Variants in ERBB4 observed in about 807,000 individuals in gnomAD.
The protein encoded by ERBB4 is erb-b2 receptor tyrosine kinase 4.
In ERBB4, 42 loss-of-function variants were observed where a neutral mutation model predicts 158.0. The ratio of observed to expected loss-of-function variants is 0.27; its 90% confidence interval spans 0.21 to 0.34. The LOEUF is 0.34. Among genes scored for constraint, ERBB4 ranks in the 10% least tolerant of loss-of-function variants. The pLI is 1.00. For synonymous variants in ERBB4, 583 were observed against 558.7 expected, an observed-to-expected ratio of 1.04 and a Z score of -0.61; for missense variants, 1,333 against 1,624.1, an observed-to-expected ratio of 0.82 and a Z score of 3.08.
At chr2:212,477,562 C>T (rs1007480176) in intron 1 of ERBB4, among the ~76,000 whole-genome samples, 3 of 152,136 alleles carry the variant, frequency 2.0e-5, no homozygotes, top group African/African-American at 7.2e-5. Context: ...TCCTATAATT[C>T]AAATCTGTAT....
chr2:212,518,609 T>C (rs1439137461), intron 1 of ERBB4, among the ~76,000 whole-genome samples: 2 of 151,992 alleles, frequency 1.3e-5, no homozygotes, highest in East Asian at 1.9e-4. Context: ...CACAAGCCCC[T>C]ATTAGAAAAA....
At chr2:211,657,167 T>A (rs2071246219) in intron 16 of ERBB4, among the ~76,000 whole-genome samples, 1 of 152,022 alleles carries the variant, frequency 6.6e-6, no homozygotes, top group African/African-American at 2.4e-5. Context: ...AAAAATATTC[T>A]ATTAAAGGTA....
At chr2:211,595,027 G>T (rs1206636581) in intron 19 of ERBB4, among the ~76,000 whole-genome samples, 1 of 152,034 alleles carries the variant, frequency 6.6e-6, no homozygotes, top group Non-Finnish European at 1.5e-5. Flanking sequence ...ATGTCTTTTT[G>T]TCTTTACATA....
At chr2:211,730,133 G>A (rs2074383641) in intron 5 of ERBB4, among the ~76,000 whole-genome samples, 1 of 151,982 alleles carries the variant, frequency 6.6e-6, no homozygotes, top group South Asian at 2.1e-4. Flanking sequence ...AATCTTATCA[G>A]TATCTCACTA....
intron 18 of ERBB4, among the ~76,000 whole-genome samples, chr2:211,620,247 T>C (rs930569855): frequency 2.6e-5 from 4 of 152,186 alleles, no homozygotes; most frequent in Non-Finnish European, 5.9e-5. Flanking sequence ...TTTAGCTTCT[T>C]AGCCCTGACA....
chr2:212,271,034 T>G (rs1455497847), intron 1 of ERBB4, among the ~76,000 whole-genome samples: 3 of 151,860 alleles, frequency 2.0e-5, no homozygotes, highest in Non-Finnish European at 4.4e-5. Flanking sequence ...TGCACTGCTA[T>G]GTAGTAATTG....
chr2:211,722,248 T>C (rs2074123855), intron 7 of ERBB4, 145 bp downstream of exon 7: 1 of 672,398 alleles, frequency 1.5e-6, no homozygotes, highest in Non-Finnish European at 2.6e-6. Context: ...TTAGTTTCTT[T>C]ATTTATAAAA....
At chr2:212,503,069 T>C (rs1343417810) in intron 1 of ERBB4, among the ~76,000 whole-genome samples, 1 of 152,188 alleles carries the variant, frequency 6.6e-6, no homozygotes, top group Non-Finnish European at 1.5e-5. Context: ...TTTCCCCCAT[T>C]TGGCCTCAGA....
intron 2 of ERBB4, among the ~76,000 whole-genome samples, chr2:211,985,232 A>G (rs2081907755): frequency 6.6e-6 from 1 of 152,176 alleles, no homozygotes; most frequent in South Asian, 2.1e-4. Context: ...AATGATATTG[A>G]TAGTTTTCTG....
At position 212,185,815 on chromosome 2, in the gene ERBB4, T is replaced by A. The variant is rs902010285; in HGVS notation, c.83-60912A>T. Among the ~76,000 whole-genome samples the A allele has an allele frequency of 4.6e-5, 7 of 152,224 alleles. No homozygotes were observed. The East Asian group carries it at 1.2e-3, about 25-fold the overall frequency. On this transcript the variant is annotated intron_variant, in intron 1 of 27. Transcript: ENST00000342788. ...AGGGGAAGAAAGTTTAATTTACAAA[T>A]TACAAGCATACTTTGGAAAAGTTTC...
intron 5 of ERBB4, among the ~76,000 whole-genome samples, chr2:211,727,556 G>T (rs1374738447): frequency 1.3e-5 from 2 of 151,772 alleles, no homozygotes; most frequent in Non-Finnish European, 2.9e-5. Context: ...GAGATAAAAA[G>T]GTGTATAGAG....
Position 211,504,465 on chromosome 2 carries a change from C to T in ERBB4, c.2487+57438G>A, listed in dbSNP as rs143125670. Among the ~76,000 whole-genome samples, 746 of 151,752 alleles carry T rather than the reference C, an allele frequency of 4.9e-3. 8 individuals are homozygous for T. The highest frequency in any genetic ancestry group is 0.017 in the African/African-American group (718 of 41,436). On this transcript the variant is annotated intron_variant, in intron 20 of 27. Coordinates refer to ENST00000342788, the MANE Select transcript of ERBB4 (RefSeq NM_005235.3). ...GTGGGGAAGAAAAAAAAAAAACTCA[C>T]CCAAATGAAAGTAAATTCAAAACTA...
intron 22 of ERBB4, among the ~76,000 whole-genome samples, chr2:211,426,318 C>G (rs887865160): frequency 6.6e-6 from 1 of 152,220 alleles, no homozygotes; most frequent in African/African-American, 2.4e-5. Context: ...ATGTATATCA[C>G]AGCCAGTGCT....
At chr2:211,570,030 C>T (rs1321231213) in intron 19 of ERBB4, among the ~76,000 whole-genome samples, 5 of 152,198 alleles carry the variant, frequency 3.3e-5, no homozygotes, top group Non-Finnish European at 7.3e-5. Flanking sequence ...TCACCATTCT[C>T]AAACTTTCAA....
chr2:212,192,691 G>T (rs1008354380), intron 1 of ERBB4, among the ~76,000 whole-genome samples: 3 of 152,106 alleles, frequency 2.0e-5, no homozygotes, highest in African/African-American at 7.2e-5. Context: ...TACTCAGGAG[G>T]TCTCACAGGA....
At chr2:212,401,305 T>C (rs1341933142) in intron 1 of ERBB4, among the ~76,000 whole-genome samples, 2 of 152,138 alleles carry the variant, frequency 1.3e-5, no homozygotes, top group Non-Finnish European at 2.9e-5. Flanking sequence ...TACAGAGTTA[T>C]TGTGAAGATC....
chr2:212,113,271 G>C (rs1350558659), intron 2 of ERBB4, among the ~76,000 whole-genome samples: 1 of 152,074 alleles, frequency 6.6e-6, no homozygotes, highest in Non-Finnish European at 1.5e-5. Context: ...AGAGACCTTA[G>C]TTTATAAAGA....
intron 5 of ERBB4, among the ~76,000 whole-genome samples, chr2:211,729,900 T>C (rs769399605): frequency 3.2e-4 from 49 of 151,940 alleles, no homozygotes; most frequent in African/African-American, 1.2e-3. Context: ...AGCTTTTTCA[T>C]TGGCGGTATG....
intron 2 of ERBB4, among the ~76,000 whole-genome samples, chr2:212,109,534 C>A (rs1241164878): frequency 6.6e-6 from 1 of 152,168 alleles, no homozygotes; most frequent in Non-Finnish European, 1.5e-5. Flanking sequence ...GTCCCAATTG[C>A]CTATTATAGA....
Sources: gnomAD v4.1 joint callset for allele counts (sites outside exome capture counted in the v4.1 genomes callset) on GRCh38, gnomAD v4.1.1 for gene constraint, MANE v1.5 for transcripts, NCBI Gene and HGNC (gene_info 2026-07-23, HGNC 2026-07-21) for gene names.